KCTD8: variants seen among roughly 807,000 people sequenced by gnomAD.
The protein encoded by KCTD8 is BTB/POZ domain-containing protein KCTD8.
In KCTD8, 27 loss-of-function variants were observed where a neutral mutation model predicts 31.5. That is an observed-to-expected ratio of 0.86 (90% CI 0.63 to 1.18). The LOEUF (loss-of-function observed/expected upper bound fraction) is 1.18, where lower values mean the gene tolerates loss of function less well. Among genes scored for constraint, KCTD8 ranks in the 50% most tolerant of loss-of-function variants. The pLI, the probability that KCTD8 is intolerant of heterozygous loss-of-function variation, is 0.00. For missense variants in KCTD8, 658 were observed against 647.7 expected, an observed-to-expected ratio of 1.02 and a Z score of -0.17; for synonymous variants, 290 against 280.0, an observed-to-expected ratio of 1.04 and a Z score of -0.36.
At chr4:44,209,627 A>G (rs1714421911) in intron 1 of KCTD8, among the ~76,000 whole-genome samples, 1 of 152,034 alleles carries the variant, frequency 6.6e-6, no homozygotes, top group African/African-American at 2.4e-5. Context: ...ATATAGACAT[A>G]CCAGCATTCA....
intron 1 of KCTD8, among the ~76,000 whole-genome samples, chr4:44,420,807 T>A (rs1237061727): frequency 1.3e-5 from 2 of 151,986 alleles, no homozygotes; most frequent in African/African-American, 4.8e-5. Flanking sequence ...TATAGAAGTG[T>A]AGAGAGACAT....
intron 1 of KCTD8, among the ~76,000 whole-genome samples, chr4:44,196,981 C>T (rs2109337477): frequency 6.6e-6 from 1 of 152,328 alleles, no homozygotes; most frequent in East Asian, 1.9e-4. Flanking sequence ...TTGCTTCCAG[C>T]ACAGTGACTG....
At chr4:44,277,749 A>G (rs1716793136) in intron 1 of KCTD8, among the ~76,000 whole-genome samples, 1 of 151,868 alleles carries the variant, frequency 6.6e-6, no homozygotes, top group African/African-American at 2.4e-5. Context: ...TCTTACTTCA[A>G]TCCTATGTAG....
intron 1 of KCTD8, among the ~76,000 whole-genome samples, chr4:44,395,854 C>A (rs1311771504): frequency 6.6e-6 from 1 of 152,018 alleles, no homozygotes; most frequent in African/African-American, 2.4e-5. Flanking sequence ...GCAGCAGTCT[C>A]CAACCATTTT....
chr4:44,433,136 AAAT>A (rs1204840346), intron 1 of KCTD8, among the ~76,000 whole-genome samples: 1 of 151,728 alleles, frequency 6.6e-6, no homozygotes, highest in Non-Finnish European at 1.5e-5. Flanking sequence ...AATGGATCTA[AAAT>A]TGACTTTATT....
chr4:44,417,703 A>G (rs1446854984), intron 1 of KCTD8, among the ~76,000 whole-genome samples: 1 of 9,868 alleles, frequency 1.0e-4, no homozygotes, highest in East Asian at 1.7e-3. Context: ...TAACAGAAGG[A>G]CTAAATAAGT....
rs1721752485 is a variant in KCTD8 at position 44,439,059 on chromosome 4, A to G, written c.961+8504T>C. ...AAACATTCATTGTGTTCAAGTATTC[A>G]CCTCTTAGGAGTAGAGGCCAACAGA... is the stretch of plus-strand genomic sequence containing the variant. On this transcript the variant is annotated intron_variant, in intron 1 of 1. Coordinates refer to ENST00000360029, the MANE Select transcript of KCTD8 (RefSeq NM_198353.3). Among the ~76,000 whole-genome samples, 3 of 152,306 alleles carry G rather than the reference A, an allele frequency of 2.0e-5. No individual in the cohort carries two copies. The South Asian group carries it at 6.2e-4, about 32-fold the overall frequency.
intron 1 of KCTD8, among the ~76,000 whole-genome samples, chr4:44,388,164 T>C (rs1720272446): frequency 6.6e-6 from 1 of 151,916 alleles, no homozygotes. Flanking sequence ...GAGTACCATC[T>C]AACACGAGTC....
intron 1 of KCTD8, among the ~76,000 whole-genome samples, chr4:44,266,967 C>T (rs1047904052): frequency 6.6e-6 from 1 of 152,062 alleles, no homozygotes; most frequent in Non-Finnish European, 1.5e-5. Context: ...ACCCCACTGT[C>T]AACATTAGAC....
intron 1 of KCTD8, among the ~76,000 whole-genome samples, chr4:44,431,011 C>A (rs1435332900): frequency 2.6e-5 from 4 of 151,134 alleles, no homozygotes; most frequent in African/African-American, 4.9e-5. Context: ...AAAATGAATA[C>A]AAAATCATTA....
At chr4:44,412,018 C>T (rs1211491703) in intron 1 of KCTD8, among the ~76,000 whole-genome samples, 1 of 152,134 alleles carries the variant, frequency 6.6e-6, no homozygotes, top group Non-Finnish European at 1.5e-5. Context: ...GCATGGATTA[C>T]AGGGTGGCAC....
chr4:44,205,966 G>A (rs1469666495), intron 1 of KCTD8, among the ~76,000 whole-genome samples: 1 of 152,114 alleles, frequency 6.6e-6, no homozygotes, highest in Non-Finnish European at 1.5e-5. Flanking sequence ...TCTGGAGACA[G>A]GCAGGTACTA....
At chr4:44,318,920 A>G (rs1222645482) in intron 1 of KCTD8, among the ~76,000 whole-genome samples, 1 of 152,238 alleles carries the variant, frequency 6.6e-6, no homozygotes, top group Non-Finnish European at 1.5e-5. Flanking sequence ...TGTATCCTTG[A>G]AAAAGCAGAA....
intron 1 of KCTD8, among the ~76,000 whole-genome samples, chr4:44,194,778 C>CCTT (rs76834299): frequency 1.8e-5 from 1 of 54,154 alleles, no homozygotes; most frequent in African/African-American, 9.4e-5. Context: ...CCACCCTCCC[C>CCTT]CCTTCCCTCC....
intron 1 of KCTD8, among the ~76,000 whole-genome samples, chr4:44,257,235 TAAA>T (rs1716016783): frequency 6.6e-6 from 1 of 151,982 alleles, no homozygotes; most frequent in Non-Finnish European, 1.5e-5. Context: ...AATAATAGGT[TAAA>T]ATATAAATTT....
chr4:44,209,116 C>G (rs971782347), intron 1 of KCTD8, among the ~76,000 whole-genome samples: 20 of 151,596 alleles, frequency 1.3e-4, no homozygotes, highest in Non-Finnish European at 2.2e-4. Flanking sequence ...GGATTTTTAC[C>G]CCCTCACAAG....
intron 1 of KCTD8, among the ~76,000 whole-genome samples, chr4:44,402,461 C>T (rs1451229872): frequency 6.6e-6 from 1 of 151,694 alleles, no homozygotes; most frequent in Non-Finnish European, 1.5e-5. Context: ...GTGCATAATC[C>T]AATACTTTAA....
chr4:44,393,065 T>C (rs1720411595), intron 1 of KCTD8, among the ~76,000 whole-genome samples: 1 of 152,014 alleles, frequency 6.6e-6, no homozygotes, highest in Non-Finnish European at 1.5e-5. Context: ...GAAATGGTAA[T>C]AACACAAAAT....
chr4:44,302,725 A>G (rs1248092753), intron 1 of KCTD8, among the ~76,000 whole-genome samples: 3 of 151,864 alleles, frequency 2.0e-5, no homozygotes, highest in East Asian at 1.9e-4. Flanking sequence ...TCTTCTGCCT[A>G]ATTGCCCTGG....
Sources: gnomAD v4.1 joint callset for allele counts (sites outside exome capture counted in the v4.1 genomes callset) on GRCh38, gnomAD v4.1.1 for gene constraint, MANE v1.5 for transcripts, NCBI Gene and HGNC (gene_info 2026-07-23, HGNC 2026-07-21) for gene names.